ABR: variants seen among roughly 807,000 people sequenced by gnomAD.
ABR encodes the protein active breakpoint cluster region-related protein.
A neutral mutation model predicts 107.2 loss-of-function variants in ABR; 35 were observed. The ratio of observed to expected loss-of-function variants is 0.33; its 90% CI spans 0.25 to 0.43. The LOEUF (loss-of-function observed/expected upper bound fraction) is 0.43. Among genes scored for constraint, ABR ranks in the 20% least tolerant of loss-of-function variants. The probability of loss-of-function intolerance (pLI) is 1.00; values close to 1 mark genes in which losing one functional copy is unlikely to be tolerated. For synonymous variants in ABR, 498 were observed against 462.0 expected, an observed-to-expected ratio of 1.08 and a Z score of -1.00; for missense variants, 815 against 1,115.2, an observed-to-expected ratio of 0.73 and a Z score of 3.83.
chr17:1,229,684 G>A (rs2043300956), exon 1 of ABR, among the ~76,000 whole-genome samples: 2 of 152,054 alleles, frequency 1.3e-5, no homozygotes, highest in African/African-American at 2.4e-5. Context: ...AGAGACCAGA[G>A]GGAAAGTCAA....
intron 1 of ABR, among the ~76,000 whole-genome samples, chr17:1,144,678 G>A (rs2040457192): frequency 6.6e-6 from 1 of 151,922 alleles, no homozygotes; most frequent in South Asian, 2.1e-4. Flanking sequence ...GATCACCTGA[G>A]GTCAGGAGTT....
Position 1,058,732 on chromosome 17 carries a change from C to T in ABR, c.1305+13G>A, listed in dbSNP as rs766699787. 7.4e-6 allele frequency: 12 copies of T among 1,613,738 alleles called. No individual in the cohort carries two copies. The South Asian group carries it at 1.2e-4, about 16-fold the overall frequency. ...GAAGGGGCTGTCTTGGTCCCACCCC[C>T]ACCCATCCTGACCTTTCCATTCCGA... On this transcript the variant is annotated intron_variant, in intron 11 of 22. Transcript: ENST00000302538.
intron 3 of ABR, among the ~76,000 whole-genome samples, chr17:1,094,170 T>G (rs34113594): frequency 0.11 from 17,361 of 151,520 alleles, 1,127 homozygotes; most frequent in South Asian, 0.19. Flanking sequence ...GTCTGGTCCT[T>G]GCTAGGCAAG....
At chr17:1,167,865 C>G (rs576995926) in intron 1 of ABR, among the ~76,000 whole-genome samples, 4 of 152,200 alleles carry the variant, frequency 2.6e-5, no homozygotes, top group Non-Finnish European at 5.9e-5. Flanking sequence ...TAAAACAACA[C>G]GATATCGGCC....
Position 1,103,755 on chromosome 17 carries a change from T to C in ABR, c.247-3020A>G, listed in dbSNP as rs146901863. Among the ~76,000 whole-genome samples, 602 of 152,214 alleles carry C rather than the reference T, an allele frequency of 4.0e-3. 4 individuals are homozygous for C. The highest frequency in any genetic ancestry group is 0.034 in the Middle Eastern group (10 of 294). ...CTCTGGGCCCCGTTCACGCTGCAGT[T>C]TTGGCTGAGATTGGAGCAAAGGCGT... On this transcript the variant is annotated intron_variant, in intron 2 of 22. Coordinates refer to ENST00000302538, the MANE Select transcript of ABR (RefSeq NM_021962.5).
chr17:1,130,070 G>A (rs748877643), intron 1 of ABR, among the ~76,000 whole-genome samples: 9 of 152,228 alleles, frequency 5.9e-5, no homozygotes, highest in Non-Finnish European at 8.8e-5. Flanking sequence ...ACGTTAGACA[G>A]CAGGTGAATG....
At chr17:1,007,917 C>A (rs976023229) in intron 21 of ABR, among the ~76,000 whole-genome samples, 6 of 152,230 alleles carry the variant, frequency 3.9e-5, no homozygotes, top group Non-Finnish European at 8.8e-5. Context: ...ACTAGCTAGA[C>A]CCGGGGCTCT....
At chr17:1,062,046 C>T (rs1012453658) in intron 10 of ABR, among the ~76,000 whole-genome samples, 7 of 152,146 alleles carry the variant, frequency 4.6e-5, no homozygotes, top group East Asian at 1.9e-4. Context: ...CTGTGGTGGG[C>T]GTGGGTGTCA....
intron 16 of ABR, among the ~76,000 whole-genome samples, chr17:1,046,218 C>T (rs889765573): frequency 6.6e-6 from 1 of 151,624 alleles, no homozygotes; most frequent in Non-Finnish European, 1.5e-5. Flanking sequence ...GTTGGCCAGG[C>T]GAGTCTCAAA....
intron 16 of ABR, among the ~76,000 whole-genome samples, chr17:1,020,230 G>A (rs112966797): frequency 0.041 from 6,307 of 152,152 alleles, 199 homozygotes; most frequent in East Asian, 0.097. Flanking sequence ...CTACAGGCAC[G>A]AGCCACCACG....
chr17:1,175,270 G>T (rs2041877610), intron 1 of ABR, among the ~76,000 whole-genome samples: 1 of 152,072 alleles, frequency 6.6e-6, no homozygotes, highest in Non-Finnish European at 1.5e-5. Context: ...AAATTAGCCG[G>T]GTGTGGTGGC....
Position 1,058,912 on chromosome 17 carries a change from T to C in ABR, c.1183-45A>G, listed in dbSNP as rs201761205. 5,716 of 1,610,214 alleles carry C rather than the reference T, an allele frequency of 3.5e-3. 11 individuals are homozygous for C. The highest frequency in any genetic ancestry group is 4.6e-3 in the Non-Finnish European group (5,385 of 1,177,678). The stretch of plus-strand genomic sequence containing the variant: ...AGAGGGTTCCCCTCACACTCGGGCC[T>C]TTCTCACGAGCAGCACTAAGCACGA... On this transcript the variant is annotated intron_variant, in intron 10 of 22. Transcript: ENST00000302538.
chr17:1,079,009 G>A (rs1467466956), intron 6 of ABR: 1 of 1,460,328 alleles, frequency 6.8e-7, no homozygotes, highest in Non-Finnish European at 9.0e-7. Context: ...TCCAGCAAGG[G>A]GGAGGGGAGG....
chr17:1,008,673 C>G (rs1022534245), intron 21 of ABR, among the ~76,000 whole-genome samples: 1 of 152,216 alleles, frequency 6.6e-6, no homozygotes, highest in Non-Finnish European at 1.5e-5. Context: ...CTGGCTCTCC[C>G]GAGCCTGGCG....
intron 16 of ABR, among the ~76,000 whole-genome samples, chr17:1,020,053 GTACA>G (rs1247779528): frequency 6.6e-6 from 1 of 152,200 alleles, no homozygotes; most frequent in Non-Finnish European, 1.5e-5. Flanking sequence ...CGACTGGGCC[GTACA>G]TGGTCACTGA....
chr17:1,076,743 G>GGGGGGGGGGGGA (rs2035769577), intron 6 of ABR, among the ~76,000 whole-genome samples: 1 of 141,472 alleles, frequency 7.1e-6, no homozygotes, highest in African/African-American at 2.8e-5. Flanking sequence ...GGGGGTGGCG[G>GGGGGGGGGGGGA]CACTGGGACC....
Position 1,139,070 on chromosome 17 carries a change from C to T in ABR, c.62-13703G>A, listed in dbSNP as rs888120041. ...CCAGACATTTGTAAACACAGTTATG[C>T]TTAGGAAGCCAGGGAAAGGAGTAAC... On this transcript the variant is annotated intron_variant, in intron 1 of 22. Coordinates refer to ENST00000302538, the MANE Select transcript of ABR (RefSeq NM_021962.5). Among the ~76,000 whole-genome samples the T allele has an allele frequency of 2.0e-5, 3 of 152,202 alleles. No homozygotes were observed. The South Asian group carries it at 6.2e-4, about 32-fold the overall frequency.
chr17:1,101,794 C>T (rs575738361), intron 2 of ABR, among the ~76,000 whole-genome samples: 38 of 150,498 alleles, frequency 2.5e-4, no homozygotes, highest in South Asian at 6.3e-4. Context: ...AGTGCAGTGG[C>T]GCGATCTCGG....
chr17:1,203,877 G>A lies in ABR; in HGVS notation c.838+24916C>T, dbSNP rs568291338. Among the ~76,000 whole-genome samples the A allele has an allele frequency of 2.6e-5, 4 of 152,272 alleles. No individual in the cohort carries two copies. The South Asian group carries it at 6.2e-4, about 24-fold the overall frequency. ...CCAGGACGTTCCGGTGGCGCCGCCT[G>A]ACGCGGGAGGAGAAACCAGCTCCAG... On this transcript the variant is annotated intron_variant, in intron 1 of 22. Coordinates refer to the ABR transcript ENST00000574139.
Sources: gnomAD v4.1 joint callset for allele counts (sites outside exome capture counted in the v4.1 genomes callset) on GRCh38, gnomAD v4.1.1 for gene constraint, MANE v1.5 for transcripts, NCBI Gene and HGNC (gene_info 2026-07-23, HGNC 2026-07-21) for gene names.